CCSER1: variants seen among roughly 807,000 people sequenced by gnomAD.
CCSER1 encodes serine-rich coiled-coil domain-containing protein 1.
CCSER1 carries 41 observed loss-of-function variants against 82.0 expected under a neutral mutation model. The observed-to-expected ratio is 0.50, with a 90% CI of 0.39 to 0.65. The LOEUF (loss-of-function observed/expected upper bound fraction) is 0.65, where lower values mean the gene tolerates loss of function less well. CCSER1 is among the 30% of genes least tolerant of loss of function. CCSER1 has a pLI of 0.00. For missense variants in CCSER1, 1,119 were observed against 1,064.2 expected, an observed-to-expected ratio of 1.05 and a Z score of -0.72; for synonymous variants, 414 against 383.9, an observed-to-expected ratio of 1.08 and a Z score of -0.92.
chr4:91,469,955 C>G (rs1020138604), intron 10 of CCSER1, among the ~76,000 whole-genome samples: 1 of 152,114 alleles, frequency 6.6e-6, no homozygotes, highest in Admixed American at 6.5e-5. Context: ...CATTCATAAG[C>G]TATGAAACTC....
chr4:91,232,139 A>C (rs1222747421), intron 10 of CCSER1, among the ~76,000 whole-genome samples: 1 of 151,888 alleles, frequency 6.6e-6, no homozygotes, highest in Non-Finnish European at 1.5e-5. Flanking sequence ...TTAAATTGCT[A>C]CAACTTATAC....
intron 1 of CCSER1, among the ~76,000 whole-genome samples, chr4:90,136,960 A>G (rs183494139): frequency 1.8e-4 from 27 of 152,290 alleles, no homozygotes; most frequent in African/African-American, 6.3e-4. Flanking sequence ...GTAAAGTTTC[A>G]ATATATTTTA....
intron 10 of CCSER1, among the ~76,000 whole-genome samples, chr4:91,225,400 A>G (rs1203845538): frequency 7.0e-6 from 1 of 142,896 alleles, no homozygotes; most frequent in Non-Finnish European, 1.5e-5. Flanking sequence ...ATATATTCAT[A>G]TATATTATAT....
At chr4:90,715,277 G>A (rs956672996) in intron 6 of CCSER1, among the ~76,000 whole-genome samples, 6 of 151,898 alleles carry the variant, frequency 4.0e-5, no homozygotes, top group Non-Finnish European at 7.4e-5. Flanking sequence ...AAACCTACTC[G>A]TCCCTATGTG....
chr4:90,823,175 C>G (rs901728219), intron 8 of CCSER1, among the ~76,000 whole-genome samples: 11 of 151,922 alleles, frequency 7.2e-5, no homozygotes, highest in African/African-American at 1.7e-4. Context: ...TTTTGTGGGT[C>G]TGAATTCTAA....
chr4:90,280,368 C>G (rs1443736349), intron 1 of CCSER1, among the ~76,000 whole-genome samples: 1 of 151,722 alleles, frequency 6.6e-6, no homozygotes, highest in African/African-American at 2.4e-5. Flanking sequence ...TCATTCATTT[C>G]TCCCTTCCCT....
At chr4:90,934,427 T>C (rs1730664439) in intron 9 of CCSER1, among the ~76,000 whole-genome samples, 1 of 150,012 alleles carries the variant, frequency 6.7e-6, no homozygotes, top group South Asian at 2.1e-4. Flanking sequence ...CATGAACTTA[T>C]TATTTGCTAA....
At chr4:90,272,072 A>G (rs1344529813) in intron 1 of CCSER1, among the ~76,000 whole-genome samples, 1 of 151,380 alleles carries the variant, frequency 6.6e-6, no homozygotes, top group African/African-American at 2.4e-5. Context: ...CTGTCACGAC[A>G]ACAGCGTGGG....
chr4:90,251,361 A>G (rs1316273921), intron 1 of CCSER1, among the ~76,000 whole-genome samples: 1 of 151,942 alleles, frequency 6.6e-6, no homozygotes, highest in Admixed American at 6.6e-5. Context: ...AATGATAGCC[A>G]GGGATTTTTC....
intron 10 of CCSER1, among the ~76,000 whole-genome samples, chr4:91,237,488 C>G (rs1337361952): frequency 6.6e-6 from 1 of 151,804 alleles, no homozygotes; most frequent in Non-Finnish European, 1.5e-5. Context: ...CAAAATCAGG[C>G]AAAAAGAGCC....
intron 4 of CCSER1, 53 bp from the exon 5 acceptor site, chr4:90,468,181 G>T: frequency 6.6e-7 from 1 of 1,516,442 alleles, no homozygotes; most frequent in Non-Finnish European, 8.9e-7. Flanking sequence ...GGAGATGTGA[G>T]ACTAGTTCAT....
At chr4:90,794,776 G>T (rs1480549373) in intron 7 of CCSER1, among the ~76,000 whole-genome samples, 3 of 152,114 alleles carry the variant, frequency 2.0e-5, no homozygotes, top group Non-Finnish European at 2.9e-5. Context: ...CTATTTTAAT[G>T]ATATTAATTA....
chr4:91,248,782 A>C (rs963534556), intron 10 of CCSER1, among the ~76,000 whole-genome samples: 3 of 141,424 alleles, frequency 2.1e-5, no homozygotes, highest in African/African-American at 8.5e-5. Flanking sequence ...TAATGTATCA[A>C]TATTAATTAT....
At chr4:90,866,640 T>A (rs911693012) in intron 8 of CCSER1, among the ~76,000 whole-genome samples, 1 of 152,098 alleles carries the variant, frequency 6.6e-6, no homozygotes, top group Non-Finnish European at 1.5e-5. Flanking sequence ...TGAAATTTCT[T>A]AAGATGCCAC....
chr4:90,357,123 C>T lies in CCSER1; in HGVS notation c.1510-42913C>T, dbSNP rs562637960. Reference sequence around the variant, plus strand: ...GTTCTTTGGCCTTTTTATCATGCAACCCTTATTTAATTATAGAATTTCAGT... The same window carrying T: ...GTTCTTTGGCCTTTTTATCATGCAATCCTTATTTAATTATAGAATTTCAGT... On this transcript the variant is annotated intron_variant, in intron 3 of 10. Transcript: ENST00000509176. Among the ~76,000 whole-genome samples, 27 of 151,852 alleles carry T rather than the reference C, an allele frequency of 1.8e-4. 1 individual carries two copies. In the South Asian group the frequency reaches 5.6e-3, roughly 32 times the overall value.
intron 7 of CCSER1, among the ~76,000 whole-genome samples, chr4:90,747,979 A>G (rs1459358480): frequency 6.6e-6 from 1 of 150,468 alleles, no homozygotes; most frequent in Non-Finnish European, 1.5e-5. Context: ...AAAGACATGA[A>G]CTCATCATTT....
At chr4:91,021,816 C>T (rs1456554841) in intron 9 of CCSER1, among the ~76,000 whole-genome samples, 1 of 151,990 alleles carries the variant, frequency 6.6e-6, no homozygotes, top group Non-Finnish European at 1.5e-5. Flanking sequence ...GAAAGCAAAG[C>T]ACACTTTTTT....
chr4:90,879,979 A>G (rs538493808), intron 8 of CCSER1, among the ~76,000 whole-genome samples: 2 of 152,298 alleles, frequency 1.3e-5, no homozygotes, highest in East Asian at 3.9e-4. Context: ...TGGTTTTGGA[A>G]GAAAGTATGC....
At chr4:90,662,157 C>A (rs544438102) in intron 6 of CCSER1, among the ~76,000 whole-genome samples, 97 of 152,102 alleles carry the variant, frequency 6.4e-4, no homozygotes, top group African/African-American at 1.9e-3. Flanking sequence ...CGCCACCATG[C>A]CCAGCTAATT....
Sources: allele counts gnomAD v4.1 joint callset (sites outside exome capture counted in the v4.1 genomes callset), GRCh38; gene constraint gnomAD v4.1.1; transcripts MANE v1.5; gene names NCBI Gene and HGNC (gene_info 2026-07-23, HGNC 2026-07-21).